Variants in GPC5 observed in about 807,000 individuals in gnomAD.
The protein encoded by GPC5 is glypican-5.
GPC5 carries 47 observed loss-of-function variants against 53.9 expected under a neutral mutation model. That is an observed-to-expected ratio of 0.87 (90% confidence interval 0.69 to 1.11). GPC5 has a LOEUF of 1.11. GPC5 is among the 50% of genes most tolerant of loss of function. The pLI is 0.00. For synonymous variants in GPC5, 286 were observed against 263.3 expected (o/e 1.09, Z -0.84); for missense variants, 748 against 713.1 (o/e 1.05, Z -0.56).
intron 1 of GPC5, among the ~76,000 whole-genome samples, chr13:91,422,645 GAAAAAA>G (rs72463929): frequency 2.7e-5 from 4 of 148,754 alleles, no homozygotes; most frequent in Non-Finnish European, 6.0e-5. Flanking sequence ...AAAGAAAAAA[GAAAAAA>G]AAAACCATTT....
intron 7 of GPC5, among the ~76,000 whole-genome samples, chr13:92,694,949 G>A (rs977986672): frequency 1.3e-5 from 2 of 152,170 alleles, no homozygotes; most frequent in Non-Finnish European, 2.9e-5. Context: ...GGTCCCCCAT[G>A]TTGTTCTTGT....
intron 7 of GPC5, among the ~76,000 whole-genome samples, chr13:92,496,924 G>T (rs1880001812): frequency 6.6e-6 from 1 of 152,176 alleles, no homozygotes; most frequent in Non-Finnish European, 1.5e-5. Context: ...GCATAGGGCA[G>T]AGTGACAGAG....
At chr13:91,866,099 C>T (rs2039081807) in intron 5 of GPC5, among the ~76,000 whole-genome samples, 1 of 152,156 alleles carries the variant, frequency 6.6e-6, no homozygotes, top group African/African-American at 2.4e-5. Flanking sequence ...AACTCCCGAC[C>T]TCAGCTGATC....
At chr13:92,633,177 GCCA>G in intron 7 of GPC5, among the ~76,000 whole-genome samples, 1 of 152,272 alleles carries the variant, frequency 6.6e-6, no homozygotes, top group East Asian at 1.9e-4. Context: ...ACAGGCGTGA[GCCA>G]CCACGCCCAG....
At chr13:92,007,353 C>T (rs2040616534) in intron 6 of GPC5, among the ~76,000 whole-genome samples, 1 of 152,124 alleles carries the variant, frequency 6.6e-6, no homozygotes, top group Admixed American at 6.5e-5. Flanking sequence ...GTTTAGTCTA[C>T]CACATTTTTC....
intron 7 of GPC5, among the ~76,000 whole-genome samples, chr13:92,673,225 A>AT (rs1261217623): frequency 6.6e-6 from 1 of 152,074 alleles, no homozygotes; most frequent in African/African-American, 2.4e-5. Context: ...CAAGAGATAA[A>AT]TATCTCTGAT....
At chr13:91,825,773 A>T (rs2038566897) in intron 5 of GPC5, among the ~76,000 whole-genome samples, 1 of 152,096 alleles carries the variant, frequency 6.6e-6, no homozygotes, top group South Asian at 2.1e-4. Context: ...GAGTCAGATG[A>T]TGAGGTTTGA....
intron 2 of GPC5, among the ~76,000 whole-genome samples, chr13:91,534,880 A>G (rs910487196): frequency 4.6e-5 from 7 of 152,190 alleles, no homozygotes; most frequent in African/African-American, 1.4e-4. Context: ...TTCGACAGCC[A>G]TATTCTGATC....
chr13:91,650,772 T>TTTTTTTTTTTTTTTTTTTTTTTG (rs2034687788), intron 2 of GPC5, among the ~76,000 whole-genome samples: 2 of 127,102 alleles, frequency 1.6e-5, no homozygotes, highest in East Asian at 2.3e-4. Context: ...TTTTTTTTTT[T>TTTTTTTTTTTTTTTTTTTTTTTG]AGCACAGAAG....
chr13:92,028,769 C>T (rs1295287819), intron 6 of GPC5, among the ~76,000 whole-genome samples: 2 of 152,150 alleles, frequency 1.3e-5, no homozygotes, highest in Middle Eastern at 3.4e-3. Context: ...ATGGGAAAAA[C>T]AGAGCAAAAT....
Position 91,919,899 on chromosome 13 carries a change from A to G in GPC5, c.1401+11842A>G, listed in dbSNP as rs552867452. 5.3e-5 allele frequency among the ~76,000 whole-genome samples: 8 copies of G among 152,336 alleles called. No homozygotes were observed. In the South Asian group the frequency reaches 1.7e-3, roughly 32 times the overall value. On this transcript the variant is annotated intron_variant, in intron 6 of 7. Transcript: ENST00000377067. ...ACACACAGTCCATGCAGAAAATTAA[A>G]TGACTCTTCTTTGAAGCAACTGATC...
intron 5 of GPC5, among the ~76,000 whole-genome samples, chr13:91,760,850 T>C (rs1282006756): frequency 6.6e-6 from 1 of 152,198 alleles, no homozygotes; most frequent in East Asian, 1.9e-4. Context: ...AAGAGTTTGA[T>C]TTTTGAAACA....
chr13:91,657,253 G>C (rs2034868676), intron 2 of GPC5, among the ~76,000 whole-genome samples: 1 of 152,094 alleles, frequency 6.6e-6, no homozygotes, highest in Non-Finnish European at 1.5e-5. Flanking sequence ...AAGCTGCTGG[G>C]GTGAAGGGTC....
chr13:92,301,386 T>C (rs969288734), intron 7 of GPC5, among the ~76,000 whole-genome samples: 13 of 152,304 alleles, frequency 8.5e-5, no homozygotes, highest in Admixed American at 6.5e-4. Context: ...TAGATGATAC[T>C]GATGTGTAGA....
intron 5 of GPC5, among the ~76,000 whole-genome samples, chr13:91,797,586 T>C (rs369961372): frequency 2.0e-5 from 3 of 152,184 alleles, no homozygotes; most frequent in Admixed American, 6.6e-5. Flanking sequence ...ATTTAACGTA[T>C]TTAACATCTA....
At chr13:91,824,914 G>A (rs1192340212) in intron 5 of GPC5, among the ~76,000 whole-genome samples, 2 of 151,956 alleles carry the variant, frequency 1.3e-5, no homozygotes, top group Non-Finnish European at 2.9e-5. Context: ...AATTCTGACT[G>A]CAATTTTATG....
At chr13:92,094,520 C>CAAAAAA (rs71200562) in intron 6 of GPC5, among the ~76,000 whole-genome samples, 9 of 68,208 alleles carry the variant, frequency 1.3e-4, no homozygotes, top group East Asian at 5.7e-4. Flanking sequence ...GACTCCGTCT[C>CAAAAAA]AAAAAAAAAA....
intron 7 of GPC5, among the ~76,000 whole-genome samples, chr13:92,283,600 G>C (rs9523592): frequency 2.6e-5 from 4 of 152,080 alleles, no homozygotes; most frequent in Non-Finnish European, 4.4e-5. Flanking sequence ...CCTCAAAACC[G>C]CTCAACTACA....
intron 7 of GPC5, among the ~76,000 whole-genome samples, chr13:92,500,889 C>A (rs1399458599): frequency 2.6e-5 from 4 of 151,962 alleles, no homozygotes; most frequent in African/African-American, 9.7e-5. Flanking sequence ...AAGGGAAGAC[C>A]AGAGAATTGG....
Sources: gnomAD v4.1 joint callset for allele counts (sites outside exome capture counted in the v4.1 genomes callset) on GRCh38, gnomAD v4.1.1 for gene constraint, MANE v1.5 for transcripts, NCBI Gene and HGNC (gene_info 2026-07-23, HGNC 2026-07-21) for gene names.